Variants in TEX55 observed in about 807,000 individuals in gnomAD.
The protein encoded by TEX55 is testis expressed 55.
A neutral mutation model predicts 44.6 loss-of-function variants in TEX55; 31 were observed. The ratio of observed to expected loss-of-function variants is 0.69; its 90% CI spans 0.52 to 0.94. The LOEUF (loss-of-function observed/expected upper bound fraction) is 0.94, where lower values mean the gene tolerates loss of function less well. TEX55 is among the 40% of genes least tolerant of loss of function. The pLI, the probability that TEX55 is intolerant of heterozygous loss-of-function variation, is 0.00. For missense variants in TEX55, 639 were observed against 638.4 expected (o/e 1.00, Z -0.01); for synonymous variants, 230 against 230.9 (o/e 1.00, Z 0.04).
rs753040203 is a variant in TEX55 at position 119,146,523 on chromosome 3, G to C, written c.334G>C (p.Glu112Gln). The C allele has an allele frequency of 3.1e-6, 5 of 1,613,838 alleles. No homozygotes were observed. The highest frequency in any genetic ancestry group is 4.2e-6 in the Non-Finnish European group (5 of 1,180,048). Residue 112 changes from glutamate (E) to glutamine (Q), a missense_variant, in exon 1 of 3, where the codon GAA becomes CAA. Coordinates refer to ENST00000295622, the MANE Select transcript of TEX55 (RefSeq NM_152539.3). ...ADDQVNQTPS[E>Q]QTKGKASSQA... ...TGATCAGGTTAATCAAACACCGTCT[G>C]AACAGACTAAAGGCAAGGCATCTAG... is the stretch of plus-strand genomic sequence containing the variant.
chr3:119,146,582 T>G lies in TEX55; in HGVS notation c.393T>G (p.Asp131Glu). 6.2e-7 allele frequency: 1 copy of G among 1,614,026 alleles called. No individual in the cohort carries two copies. The highest frequency in any genetic ancestry group is 8.5e-7 in the Non-Finnish European group (1 of 1,180,040). ...ATAATGTACAGCATGAACAGAGTGA[T>G]GGTCAGGTGTCTGGCCTGACGGAGG... ...QANNVQHEQSDGQVSGLTEER... is the reference protein window; with the variant it reads ...QANNVQHEQSEGQVSGLTEER... The change falls in exon 1 of 3, where the codon GAT becomes GAG. Residue 131 changes from aspartate to glutamate, a missense_variant. Coordinates refer to ENST00000295622, the MANE Select transcript of TEX55 (RefSeq NM_152539.3).
rs1207291495 is a variant in TEX55, at chr3:119,148,242, G to A, written c.1461G>A (p.Arg487=). Residue 487 remains arginine, a synonymous_variant, in exon 2 of 3, where the codon AGG becomes AGA. Transcript: ENST00000295622. ...GYHIRNQTYR[R]FPSIVYEDPY... The stretch of plus-strand genomic sequence containing the variant: ...ATATACGCAATCAAACTTATAGAAG[G>A]TTCCCTTCTATAGTTTATGAAGATC... 2 of 1,611,744 alleles carry A rather than the reference G, an allele frequency of 1.2e-6. No homozygotes were observed. Among genetic ancestry groups the A allele is most frequent in the Admixed American group, 1.7e-5 (1 of 59,774 alleles).
At chr3:119,147,673 G>A in intron 1 of TEX55, 86 bp downstream of exon 1, 1 of 1,088,410 alleles carries the variant, frequency 9.2e-7, no homozygotes, top group South Asian at 1.5e-5. Context: ...TACAACGGAA[G>A]GGCACATGTT....
rs1410331967 is a variant in TEX55 at position 119,148,534 on chromosome 3, G to A, written c.1542+211G>A. The stretch of plus-strand genomic sequence containing the variant: ...AGAGATCAGGTAGGTTGGTTGATAG[G>A]GAAAAACTTGGCCAAGGGTTAAATA... On this transcript the variant is annotated intron_variant, in intron 2 of 2. Transcript: ENST00000295622. 2.0e-5 allele frequency among the ~76,000 whole-genome samples: 3 copies of A among 152,120 alleles called. No individual in the cohort carries two copies. In the East Asian group the frequency reaches 5.8e-4, roughly 29 times the overall value.
rs1424529081 is a variant in TEX55 at position 119,146,345 on chromosome 3, T to C, written c.156T>C (p.Ala52=). 2 of 1,614,170 alleles carry C rather than the reference T, an allele frequency of 1.2e-6. No homozygotes were observed. Among genetic ancestry groups the C allele is most frequent in the Admixed American group, 3.3e-5 (2 of 60,020 alleles). The change falls in exon 1 of 3, where the codon GCT becomes GCC. Residue 52 remains alanine, a synonymous_variant. Transcript: ENST00000295622. ...KADNHTAHRI[A]DQTALRVPSQ... is the part of the protein sequence containing the mutation. ...ATAACCACACTGCTCACAGAATAGC[T>C]GACCAGACTGCCCTAAGAGTGCCTA...
intron 2 of TEX55, among the ~76,000 whole-genome samples, chr3:119,148,763 C>T (rs1049687243): frequency 6.6e-6 from 1 of 152,234 alleles, no homozygotes; most frequent in African/African-American, 2.4e-5. Context: ...CTACCACACA[C>T]TTAGGCTATA....
At position 119,147,456 on chromosome 3, in the gene TEX55, C is replaced by G; in HGVS notation, c.1267C>G (p.Pro423Ala). Residue 423 changes from proline to alanine, a missense_variant, in exon 1 of 3, where the codon CCA becomes GCA. Pro to Ala is a conservative substitution (Grantham distance 27, BLOSUM62 -1). Coordinates refer to ENST00000295622, the MANE Select transcript of TEX55 (RefSeq NM_152539.3). ...QNATTIPPYN[P>A]VDARFTSNFQ... ...TGCAACCACTATCCCACCCTACAACCCAGTTGATGCCAGATTCACCAGTAA... is the reference window on the plus strand; with the variant it reads ...TGCAACCACTATCCCACCCTACAACGCAGTTGATGCCAGATTCACCAGTAA... The G allele has an allele frequency of 6.2e-7, 1 of 1,614,126 alleles. No homozygotes were observed. The highest frequency in any genetic ancestry group is 1.7e-5 in the Admixed American group (1 of 60,018).
chr3:119,151,193 A>G (rs2077777990), intron 2 of TEX55, 31 bp from the exon 3 acceptor site: 3 of 1,441,686 alleles, frequency 2.1e-6, no homozygotes, highest in African/African-American at 1.4e-5. Context: ...GCTCAGAACC[A>G]TAATGTGATG....
chr3:119,148,380 G>A (rs2077750877), intron 2 of TEX55, 57 bp downstream of exon 2: 2 of 1,503,898 alleles, frequency 1.3e-6, no homozygotes, highest in East Asian at 4.5e-5. Flanking sequence ...ACAAGAAAGA[G>A]TGTATTCTGT....
Position 119,151,303 on chromosome 3 carries a change from A to G in TEX55, c.*11A>G, listed in dbSNP as rs755492893. The stretch of plus-strand genomic sequence containing the variant: ...CTGTGCCAGGTATAGAATTGGAGAA[A>G]AAGAACAACCTTTTTATTCTCTTTA... On this transcript the variant is annotated 3_prime_UTR_variant, in exon 3 of 3. Coordinates refer to ENST00000295622, the MANE Select transcript of TEX55 (RefSeq NM_152539.3). 5 of 1,611,376 alleles carry G rather than the reference A, an allele frequency of 3.1e-6. No individual in the cohort carries two copies. The highest frequency in any genetic ancestry group is 4.2e-6 in the Non-Finnish European group (5 of 1,177,946).
At position 119,146,409 on chromosome 3, in the gene TEX55, G is replaced by A. The variant is rs760705251; in HGVS notation, c.220G>A (p.Gly74Arg). The A allele has an allele frequency of 9.3e-6, 15 of 1,614,066 alleles. No homozygotes were observed. The highest frequency in any genetic ancestry group is 6.7e-5 in the East Asian group (3 of 44,896). The change falls in exon 1 of 3, where the codon GGA (glycine) becomes AGA (arginine). Residue 74 changes from glycine to arginine, a missense_variant. Coordinates refer to ENST00000295622, the MANE Select transcript of TEX55 (RefSeq NM_152539.3). ...CAGCATATTTAGCCAAGCTACCAACGGAGTAGCTGAACAAAATGGGCATAG... is the reference window on the plus strand; with the variant it reads ...CAGCATATTTAGCCAAGCTACCAACAGAGTAGCTGAACAAAATGGGCATAG... ...ESSIFSQATN[G>R]VAEQNGHSTP...
rs761842097 is a variant in TEX55 at position 119,147,331 on chromosome 3, A to G, written c.1142A>G (p.Lys381Arg). The G allele has an allele frequency of 1.2e-6, 2 of 1,614,234 alleles. No individual in the cohort carries two copies. Among genetic ancestry groups the G allele is most frequent in the Non-Finnish European group, 1.7e-6 (2 of 1,180,044 alleles). ...ATATTTCCCCAGTTAGGCAACAGCA[A>G]AGAGGACAAAGAGGCTGACTACAGA... The part of the protein sequence containing the change: ...DRIFPQLGNS[K>R]EDKEADYRVQ... The change falls in exon 1 of 3, where the codon AAA becomes AGA. Residue 381 changes from lysine (K) to arginine (R), a missense_variant. Lys to Arg is a conservative substitution (Grantham distance 26). Coordinates refer to ENST00000295622, the MANE Select transcript of TEX55 (RefSeq NM_152539.3).
Position 119,147,597 on chromosome 3 carries a change from A to T in TEX55, c.1398+10A>T, listed in dbSNP as rs547513586. ...CATAGTAACCAAATCTGTAAGTTAA[A>T]TGGGCATTTGATACCTACCTGGGAG... On this transcript the variant is annotated intron_variant, in intron 1 of 2. Transcript: ENST00000295622. 1 of 1,606,418 alleles carries T rather than the reference A, an allele frequency of 6.2e-7. No homozygotes were observed. The highest frequency in any genetic ancestry group is 1.1e-5 in the South Asian group (1 of 89,824).
At chr3:119,151,146 A>G in intron 2 of TEX55, 78 bp from the exon 3 acceptor site, 1 of 929,836 alleles carries the variant, frequency 1.1e-6, no homozygotes, top group South Asian at 1.4e-5. Flanking sequence ...GGTTAGTGGG[A>G]AAGATAGCAT....
chr3:119,150,553 A>G (rs1254742135), intron 2 of TEX55, among the ~76,000 whole-genome samples: 4 of 152,148 alleles, frequency 2.6e-5, no homozygotes. Flanking sequence ...CAACAAAAGT[A>G]TGAAGTGAAT....
At position 119,147,073 on chromosome 3, in the gene TEX55, A is replaced by G. The variant is rs990579345; in HGVS notation, c.884A>G (p.Tyr295Cys). ...TCTGAGCAGACTGACCTCAGATTGT[A>G]TGGCCTCGTTGACCACAAAACATCT... ...GTSEQTDLRL[Y>C]GLVDHKTSVK... Residue 295 changes from tyrosine (Y) to cysteine (C), a missense_variant, in exon 1 of 3, where the codon TAT (tyrosine) becomes TGT (cysteine). Coordinates refer to ENST00000295622, the MANE Select transcript of TEX55 (RefSeq NM_152539.3). The G allele has an allele frequency of 6.2e-7, 1 of 1,614,222 alleles. No homozygotes were observed. Among genetic ancestry groups the G allele is most frequent in the Non-Finnish European group, 8.5e-7 (1 of 1,180,044 alleles).
rs758247562 is a variant in TEX55 at position 119,147,368 on chromosome 3, C to G, written c.1179C>G (p.Cys393Trp). 1 of 1,614,180 alleles carries G rather than the reference C, an allele frequency of 6.2e-7. No individual in the cohort carries two copies. The highest frequency in any genetic ancestry group is 1.1e-5 in the South Asian group (1 of 91,076). ...DKEADYRVQP[C>W]KFEDSQVDLN... ...AGGCTGACTACAGAGTACAACCCTG[C>G]AAATTTGAGGATAGCCAAGTAGACC... Residue 393 changes from cysteine (C) to tryptophan (W), a missense_variant, in exon 1 of 3, where the codon TGC (cysteine) becomes TGG (tryptophan). Coordinates refer to ENST00000295622, the MANE Select transcript of TEX55 (RefSeq NM_152539.3).
In TEX55 at chr3:119,147,392, C is replaced by T. The variant is rs778574881; in HGVS notation, c.1203C>T (p.Asp401=). The T allele has an allele frequency of 6.2e-7, 1 of 1,614,168 alleles. No homozygotes were observed. Among genetic ancestry groups the T allele is most frequent in the Admixed American group, 1.7e-5 (1 of 60,018 alleles). ...QPCKFEDSQV[D]LNSKPSVEME... Reference sequence around the variant, plus strand: ...GCAAATTTGAGGATAGCCAAGTAGACCTCAATTCCAAGCCTTCAGTTGAAA... The same window carrying T: ...GCAAATTTGAGGATAGCCAAGTAGATCTCAATTCCAAGCCTTCAGTTGAAA... The change falls in exon 1 of 3, where the codon GAC becomes GAT. Residue 401 remains aspartate (D), a synonymous_variant. Coordinates refer to ENST00000295622, the MANE Select transcript of TEX55 (RefSeq NM_152539.3).
chr3:119,151,093 G>A lies in TEX55; in HGVS notation c.1543-131G>A. ...TGCATTCCATCTTGGGTGACAGAGT[G>A]GGAACCCATCTCTGAAAAAAACAAA... is the stretch of plus-strand genomic sequence containing the variant. On this transcript the variant is annotated intron_variant, in intron 2 of 2. Coordinates refer to ENST00000295622, the MANE Select transcript of TEX55 (RefSeq NM_152539.3). 7.6e-6 allele frequency: 5 copies of A among 661,756 alleles called. No individual in the cohort carries two copies. In the South Asian group the frequency reaches 8.8e-5, roughly 12 times the overall value. The allele number at this position is 661,756 out of a possible 1,614,324, so 41.0% of individuals were successfully genotyped here. A position where few individuals can be genotyped will look rare whatever the true frequency, so the allele number is the denominator to read the frequency against.
Sources: allele counts gnomAD v4.1 joint callset (sites outside exome capture counted in the v4.1 genomes callset), GRCh38; gene constraint gnomAD v4.1.1; transcripts MANE v1.5; gene names NCBI Gene and HGNC (gene_info 2026-07-23, HGNC 2026-07-21).